The following MYLK variants were observed in gnomAD, a reference collection of about 807,000 sequenced individuals.
MYLK encodes the protein myosin light chain kinase, smooth muscle.
In MYLK, 106 loss-of-function variants were observed where a neutral mutation model predicts 203.4. The ratio of observed to expected loss-of-function variants is 0.52; its 90% confidence interval spans 0.45 to 0.61. The LOEUF is 0.61. MYLK is among the 20% of genes least tolerant of loss of function. The pLI, the probability that MYLK is intolerant of heterozygous loss-of-function variation, is 0.00. For synonymous variants in MYLK, 867 were observed against 959.5 expected (o/e 0.90, Z 1.78); for missense variants, 2,072 against 2,442.3 (o/e 0.85, Z 3.20).
intron 33 of MYLK, chr3:123,616,226 G>A (rs1008725732): frequency 6.6e-6 from 1 of 152,086 alleles, no homozygotes; most frequent in African/African-American, 2.4e-5. Flanking sequence ...ATTTGTCTTA[G>A]TCTGATCCAA....
chr3:123,879,799 C>T (rs984602260), intron 1 of MYLK, among the ~76,000 whole-genome samples: 12 of 152,036 alleles, frequency 7.9e-5, no homozygotes, highest in South Asian at 2.1e-4. Context: ...GGACTACAGA[C>T]GCCCGCCACC....
intron 3 of MYLK, among the ~76,000 whole-genome samples, chr3:123,801,068 G>A (rs967015883): frequency 1.3e-5 from 2 of 152,202 alleles, no homozygotes; most frequent in Non-Finnish European, 2.9e-5. Context: ...AATGAGAAGA[G>A]TTGCTCCTTT....
At chr3:123,726,128 G>A in intron 11 of MYLK, 50 bp from the exon 12 acceptor site, 3 of 1,611,418 alleles carry the variant, frequency 1.9e-6, no homozygotes, top group Non-Finnish European at 2.5e-6. Flanking sequence ...GCCCACTCTG[G>A]TGATGCCTGC....
At position 123,700,045 on chromosome 3, in the gene MYLK, G is replaced by C. The variant is rs1275240458; in HGVS notation, c.3423C>G (p.Thr1141=). Residue 1141 remains threonine (T), a synonymous_variant, in exon 18 of 34, where the codon ACC becomes ACG. Transcript: ENST00000360304. ...WTLNGKTLKT[T]KFIILSQEGS... is the part of the protein sequence containing the mutation. ...CTTCCTGGGAGAGGATGATGAACTTGGTGGTCTTGAGGGTCTTTCCGTTCA... is the reference window on the plus strand; with the variant it reads ...CTTCCTGGGAGAGGATGATGAACTTCGTGGTCTTGAGGGTCTTTCCGTTCA... 6.2e-7 allele frequency: 1 copy of C among 1,613,956 alleles called. No homozygotes were observed. The highest frequency in any genetic ancestry group is 8.5e-7 in the Non-Finnish European group (1 of 1,180,038).
At chr3:123,685,612 GAAAAAAAAA>G (rs59215456) in intron 19 of MYLK, among the ~76,000 whole-genome samples, 1 of 112,422 alleles carries the variant, frequency 8.9e-6, no homozygotes, top group Non-Finnish European at 1.8e-5. Context: ...TCCAAAAAAT[GAAAAAAAAA>G]AAAAAAAAAA....
chr3:123,706,006 C>G (rs541374932), intron 16 of MYLK, among the ~76,000 whole-genome samples: 28 of 152,088 alleles, frequency 1.8e-4, no homozygotes, highest in Non-Finnish European at 3.7e-4. Flanking sequence ...AGTGGCCTTC[C>G]TGGTAATAAC....
intron 4 of MYLK, among the ~76,000 whole-genome samples, chr3:123,783,860 A>G (rs1237181189): frequency 6.6e-6 from 1 of 152,184 alleles, no homozygotes; most frequent in Non-Finnish European, 1.5e-5. Flanking sequence ...GGAGTCCCAC[A>G]GGAGTGATGA....
Position 123,667,189 on chromosome 3 carries a change from T to C in MYLK, c.3653-2A>G, listed in dbSNP as rs757909004. ...GTTTCTTTTTCACAGTCGCATCACCTGAAACAAAGAAGTTCACAAGTTATT... is the reference window on the plus strand; with the variant it reads ...GTTTCTTTTTCACAGTCGCATCACCCGAAACAAAGAAGTTCACAAGTTATT... On this transcript the variant is annotated splice_acceptor_variant, in intron 20 of 33. Coordinates refer to ENST00000360304, the MANE Select transcript of MYLK (RefSeq NM_053025.4). LOFTEE classifies it high-confidence loss of function. The C allele has an allele frequency of 6.2e-7, 1 of 1,614,100 alleles. No homozygotes were observed. The highest frequency in any genetic ancestry group is 8.5e-7 in the Non-Finnish European group (1 of 1,179,928).
intron 32 of MYLK, among the ~76,000 whole-genome samples, chr3:123,618,992 A>C (rs1038172722): frequency 6.6e-6 from 1 of 151,926 alleles, no homozygotes; most frequent in African/African-American, 2.4e-5. Context: ...GAAGGATCAG[A>C]CTCCCCCTTC....
At chr3:123,699,943 G>A (rs2061112911) in intron 18 of MYLK, 77 bp downstream of exon 18, 1 of 1,600,600 alleles carries the variant, frequency 6.2e-7, no homozygotes, top group Non-Finnish European at 8.6e-7. Flanking sequence ...ACAGGGGTCA[G>A]CGAGACCAAC....
intron 29 of MYLK, among the ~76,000 whole-genome samples, chr3:123,637,761 A>T (rs2058693460): frequency 6.6e-6 from 1 of 152,090 alleles, no homozygotes. Context: ...GGTGCCAGCC[A>T]CATTTCCCAC....
At chr3:123,688,865 CTCT>C (rs930019039) in intron 19 of MYLK, among the ~76,000 whole-genome samples, 2 of 152,148 alleles carry the variant, frequency 1.3e-5, no homozygotes, top group Non-Finnish European at 2.9e-5. Flanking sequence ...AAATGGTATT[CTCT>C]CCCCCATTAC....
In MYLK at chr3:123,626,916, G is replaced by A; in HGVS notation, c.5140C>T (p.Leu1714Phe). 2 of 1,614,174 alleles carry A rather than the reference G, an allele frequency of 1.2e-6. No individual in the cohort carries two copies. Among genetic ancestry groups the A allele is most frequent in the African/African-American group, 1.3e-5 (1 of 75,040 alleles). Residue 1714 changes from leucine (L) to phenylalanine (F), a missense_variant, in exon 31 of 34, where the codon CTT (leucine) becomes TTT (phenylalanine). Around this residue, in one of 3 missense-constraint regions of MYLK, gnomAD observed 524 missense variants for 782.4 expected, o/e 0.67. Coordinates refer to ENST00000360304, the MANE Select transcript of MYLK (RefSeq NM_053025.4). The part of the protein sequence containing the change: ...MKNRLDCTQC[L>F]QHPWLMKDTK... Reference sequence around the variant, plus strand: ...TCTTTCATTAGCCATGGATGCTGAAGGCACTGCGTGCAGTCCAGGCGGTTT... The same window carrying A: ...TCTTTCATTAGCCATGGATGCTGAAAGCACTGCGTGCAGTCCAGGCGGTTT...
intron 20 of MYLK, among the ~76,000 whole-genome samples, chr3:123,677,129 C>T (rs1227545568): frequency 6.6e-6 from 1 of 152,208 alleles, no homozygotes; most frequent in Non-Finnish European, 1.5e-5. Flanking sequence ...TGCTGTGTGA[C>T]CTAAACTATA....
At chr3:123,883,693 G>A (rs938888847) in intron 1 of MYLK, among the ~76,000 whole-genome samples, 1 of 152,208 alleles carries the variant, frequency 6.6e-6, no homozygotes, top group African/African-American at 2.4e-5. Flanking sequence ...GCAGAGCGAG[G>A]TAAGGAGCTT....
intron 20 of MYLK, among the ~76,000 whole-genome samples, chr3:123,669,689 G>A (rs2059849594): frequency 6.6e-6 from 1 of 151,948 alleles, no homozygotes; most frequent in Non-Finnish European, 1.5e-5. Flanking sequence ...ATATATGTGT[G>A]GAGAAGTAGA....
At chr3:123,883,624 A>T (rs888976827) in intron 1 of MYLK, among the ~76,000 whole-genome samples, 1 of 152,190 alleles carries the variant, frequency 6.6e-6, no homozygotes, top group Non-Finnish European at 1.5e-5. Context: ...AAACTTTCCA[A>T]CTGCAATCAT....
chr3:123,732,358 A>G (rs969237473), intron 11 of MYLK, among the ~76,000 whole-genome samples: 8 of 152,370 alleles, frequency 5.3e-5, no homozygotes, highest in Non-Finnish European at 1.0e-4. Context: ...TTAATATCAC[A>G]TGAGCAAATT....
At chr3:123,722,691 C>A (rs1221310157) in intron 12 of MYLK, among the ~76,000 whole-genome samples, 1 of 152,154 alleles carries the variant, frequency 6.6e-6, no homozygotes, top group Non-Finnish European at 1.5e-5. Context: ...GGCCCATAGC[C>A]CAGCCTCAGG....
Sources: gnomAD v4.1 joint callset for allele counts (sites outside exome capture counted in the v4.1 genomes callset) on GRCh38, gnomAD v4.1.1 for gene constraint, gnomAD v4.1.1 regional missense constraint, MANE v1.5 for transcripts, NCBI Gene and HGNC (gene_info 2026-07-23, HGNC 2026-07-21) for gene names.